Variants in ZNF618 observed in about 807,000 individuals in gnomAD.
The protein encoded by ZNF618 is zinc finger protein 618.
Under a neutral mutation model 103.0 loss-of-function variants are expected in ZNF618, and 34 were observed. The observed-to-expected ratio is 0.33, with a 90% CI of 0.25 to 0.44. The LOEUF is 0.44. Among genes scored for constraint, ZNF618 ranks in the 20% least tolerant of loss-of-function variants. The probability of loss-of-function intolerance (pLI) is 1.00; values close to 1 mark genes in which losing one functional copy is unlikely to be tolerated. For synonymous variants in ZNF618, 551 were observed against 542.2 expected, an observed-to-expected ratio of 1.02 and a Z score of -0.23; for missense variants, 1,059 against 1,295.4, an observed-to-expected ratio of 0.82 and a Z score of 2.80.
chr9:113,969,037 G>A, intron 1 of ZNF618, 80 bp from the exon 2 acceptor site: 1 of 1,517,222 alleles, frequency 6.6e-7, no homozygotes, highest in Non-Finnish European at 9.1e-7. Context: ...GGTATTCAGT[G>A]GGAGCTTGAT....
At chr9:114,022,920 C>T (rs748463650) in intron 10 of ZNF618, among the ~76,000 whole-genome samples, 1 of 151,962 alleles carries the variant, frequency 6.6e-6, no homozygotes, top group African/African-American at 2.4e-5. Flanking sequence ...CCTGTTGTCC[C>T]GAAATTTCCT....
At chr9:113,892,456 A>C (rs1829699313) in intron 1 of ZNF618, among the ~76,000 whole-genome samples, 1 of 152,182 alleles carries the variant, frequency 6.6e-6, no homozygotes, top group Non-Finnish European at 1.5e-5. Context: ...ACCCATGAAG[A>C]CAGAGGGCTG....
intron 13 of ZNF618, among the ~76,000 whole-genome samples, chr9:114,036,590 C>G (rs1344281679): frequency 6.6e-6 from 1 of 152,230 alleles, no homozygotes; most frequent in Admixed American, 6.5e-5. Context: ...GGAGGCAGCA[C>G]AGGCTCTGTG....
chr9:113,949,654 G>A (rs1564204374), intron 1 of ZNF618, among the ~76,000 whole-genome samples: 1 of 152,222 alleles, frequency 6.6e-6, no homozygotes, highest in Non-Finnish European at 1.5e-5. Context: ...CTCCCGGACT[G>A]AAGGGCAGGT....
At chr9:113,947,007 T>C (rs1407825490) in intron 1 of ZNF618, among the ~76,000 whole-genome samples, 1 of 152,208 alleles carries the variant, frequency 6.6e-6, no homozygotes, top group East Asian at 1.9e-4. Flanking sequence ...GTGTTCTGTT[T>C]TGGGGACGAC....
At chr9:114,010,445 G>A (rs184395961) in intron 9 of ZNF618, among the ~76,000 whole-genome samples, 4 of 151,940 alleles carry the variant, frequency 2.6e-5, no homozygotes, top group Non-Finnish European at 4.4e-5. Context: ...GGTGGCTCTC[G>A]CCTGTAATCC....
At chr9:114,020,489 C>T (rs565848164) in intron 10 of ZNF618, among the ~76,000 whole-genome samples, 2 of 152,216 alleles carry the variant, frequency 1.3e-5, no homozygotes, top group South Asian at 4.2e-4. Flanking sequence ...TTTAGTTTCT[C>T]TCAGGAGCAG....
At chr9:113,958,328 C>A (rs1564217938) in intron 1 of ZNF618, among the ~76,000 whole-genome samples, 1 of 152,154 alleles carries the variant, frequency 6.6e-6, no homozygotes, top group Admixed American at 6.5e-5. Context: ...GGACTGGTGA[C>A]ATCCCCACCT....
Position 113,988,470 on chromosome 9 carries a change from G to T in ZNF618, c.227G>T (p.Trp76Leu). 1.9e-6 allele frequency: 3 copies of T among 1,613,534 alleles called. No individual in the cohort carries two copies. The highest frequency in any genetic ancestry group is 2.5e-6 in the Non-Finnish European group (3 of 1,179,890). The change falls in exon 3 of 15, where the codon TGG becomes TTG. Residue 76 changes from tryptophan to leucine, a missense_variant. By Grantham distance (61) the Trp-to-Leu change is moderately conservative. Around this residue, in one of 6 missense-constraint regions of ZNF618, gnomAD observed 194 missense variants for 209.0 expected, o/e 0.93. Transcript: ENST00000374126. ...GATGACTACATCCAGGAGGTGATCT[G>T]GCAGGGCGAGGCCAAGGAGGAGAAG... is the stretch of plus-strand genomic sequence containing the variant. ...LPDDYIQEVIWQGEAKEEKKA... is the reference protein window; with the variant it reads ...LPDDYIQEVILQGEAKEEKKA...
chr9:113,933,430 A>G (rs1833773867), intron 1 of ZNF618, among the ~76,000 whole-genome samples: 1 of 152,236 alleles, frequency 6.6e-6, no homozygotes, highest in Non-Finnish European at 1.5e-5. Flanking sequence ...GTACAATTCC[A>G]CTGGGGCAGC....
intron 1 of ZNF618, among the ~76,000 whole-genome samples, chr9:113,946,550 T>G (rs887877060): frequency 3.3e-5 from 5 of 152,110 alleles, no homozygotes; most frequent in African/African-American, 1.2e-4. Flanking sequence ...ATGCCCCTGA[T>G]GGCAGACACC....
chr9:113,900,263 C>T (rs1830398054), intron 1 of ZNF618, among the ~76,000 whole-genome samples: 1 of 151,988 alleles, frequency 6.6e-6, no homozygotes. Flanking sequence ...GGTTTTAACA[C>T]GTTGGCCAGG....
At chr9:113,953,239 G>A (rs937895136) in intron 1 of ZNF618, among the ~76,000 whole-genome samples, 3 of 152,214 alleles carry the variant, frequency 2.0e-5, no homozygotes, top group Admixed American at 6.5e-5. Flanking sequence ...GAAGGGGTGT[G>A]TACCCAGGCC....
rs1395696253 is a variant in ZNF618, at chr9:114,055,856, A to G, written c.*5689A>G. 2 of 152,164 alleles carry G rather than the reference A, an allele frequency of 1.3e-5. No homozygotes were observed. 9.4% of individuals were successfully genotyped at this position (152,164 alleles called of 1,614,324 possible). ...TTTAATATTTCTTAATACCGGTAGC[A>G]TTAATTTATACTTTTGTAGCAACAC... On this transcript the variant is annotated 3_prime_UTR_variant, in exon 15 of 15. Transcript: ENST00000374126.
At chr9:113,942,197 C>A (rs1435655360) in intron 1 of ZNF618, among the ~76,000 whole-genome samples, 2 of 151,928 alleles carry the variant, frequency 1.3e-5, no homozygotes, top group Admixed American at 6.5e-5. Flanking sequence ...GAGCCTCAAT[C>A]TCCCCACTGA....
At chr9:114,031,015 C>G (rs966542610) in intron 11 of ZNF618, 1 of 152,232 alleles carries the variant, frequency 6.6e-6, no homozygotes, top group Non-Finnish European at 1.5e-5. Context: ...AAGCACCTCC[C>G]CCTAAAGTGA....
intron 10 of ZNF618, among the ~76,000 whole-genome samples, chr9:114,025,538 AT>A (rs1843417757): frequency 6.6e-6 from 1 of 152,170 alleles, no homozygotes; most frequent in Non-Finnish European, 1.5e-5. Context: ...AGACTCTTTC[AT>A]GCTTTCTCAG....
Position 113,878,139 on chromosome 9 carries a change from A to T in ZNF618, c.33+1726A>T, listed in dbSNP as rs182655941. Among the ~76,000 whole-genome samples, 3 of 151,568 alleles carry T rather than the reference A, an allele frequency of 2.0e-5. No homozygotes were observed. In the East Asian group the frequency reaches 5.8e-4, roughly 29 times the overall value. On this transcript the variant is annotated intron_variant, in intron 1 of 14. Transcript: ENST00000374126. ...TTTTCAAAAACCTGATTACTTTCAA[A>T]GGGGGAAAAATCCATTAGCCTTGAT...
At chr9:113,964,702 T>G (rs1413853139) in intron 1 of ZNF618, among the ~76,000 whole-genome samples, 1 of 146,206 alleles carries the variant, frequency 6.8e-6, no homozygotes, top group African/African-American at 2.5e-5. Context: ...AAAACCAAAA[T>G]GAAAAAAAGG....
Sources: allele counts gnomAD v4.1 joint callset (sites outside exome capture counted in the v4.1 genomes callset), GRCh38; gene constraint gnomAD v4.1.1; regional missense constraint gnomAD v4.1.1; transcripts MANE v1.5; gene names NCBI Gene and HGNC (gene_info 2026-07-23, HGNC 2026-07-21).